The following TRIM63 variants were observed in gnomAD, a reference collection of about 807,000 sequenced individuals.
The protein encoded by TRIM63 is E3 ubiquitin-protein ligase TRIM63.
TRIM63 carries 48 observed loss-of-function variants against 46.0 expected under a neutral mutation model. The ratio of observed to expected loss-of-function variants is 1.04; its 90% confidence interval spans 0.83 to 1.33. TRIM63 has a LOEUF of 1.33. TRIM63 is among the 40% of genes most tolerant of loss of function. The pLI is 0.00. For missense variants in TRIM63, 455 were observed against 441.2 expected (o/e 1.03, Z -0.28); for synonymous variants, 175 against 162.8 (o/e 1.08, Z -0.57).
intron 8 of TRIM63, among the ~76,000 whole-genome samples, chr1:26,052,473 GT>G (rs370683124): frequency 2.0e-5 from 3 of 151,226 alleles, no homozygotes; most frequent in African/African-American, 7.3e-5. Context: ...TCTTTTCTTT[GT>G]TTTTTTTTGA....
intron 5 of TRIM63, 90 bp from the exon 6 acceptor site, chr1:26,057,740 G>T: frequency 2.2e-6 from 3 of 1,379,906 alleles, no homozygotes; most frequent in Non-Finnish European, 2.0e-6. Context: ...GTTGTAGGTA[G>T]ATATTTGGTG....
At chr1:26,055,646 G>A (rs1487027364) in intron 7 of TRIM63, among the ~76,000 whole-genome samples, 1 of 151,980 alleles carries the variant, frequency 6.6e-6, no homozygotes, top group African/African-American at 2.4e-5. Context: ...GAGTTAGCTG[G>A]GATTACAGGC....
At chr1:26,056,573 T>C (rs957545177) in intron 7 of TRIM63, among the ~76,000 whole-genome samples, 2 of 152,008 alleles carry the variant, frequency 1.3e-5, no homozygotes, top group Non-Finnish European at 2.9e-5. Context: ...TTGCCAAAGG[T>C]CACACAGATA....
chr1:26,051,877 T>A lies in TRIM63; in HGVS notation c.1058A>T (p.Gln353Leu). The change falls in exon 9 of 9, where the codon CAG (glutamine) becomes CTG (leucine). Residue 353 changes from glutamine to leucine, a missense_variant. Transcript: ENST00000374272. Reference sequence around the variant, plus strand: ...GCCTCTCATTCATCCAGCTCCTTACTGGTGTCCTGAAATGAAGAAAAAGAT... The same window carrying A: ...GCCTCTCATTCATCCAGCTCCTTACAGGTGTCCTGAAATGAAGAAAAAGAT... ...ESTEGKEEGH[Q>L] is the part of the protein sequence containing the mutation. 1 of 1,266,060 alleles carries A rather than the reference T, an allele frequency of 7.9e-7. No individual in the cohort carries two copies. The highest frequency in any genetic ancestry group is 1.0e-6 in the Non-Finnish European group (1 of 991,516). 78.4% of individuals were successfully genotyped at this position (1,266,060 alleles called of 1,614,324 possible). A position where few individuals can be genotyped will look rare whatever the true frequency, so the allele number is the denominator to read the frequency against.
At chr1:26,066,563 C>T in intron 1 of TRIM63, 123 bp from the exon 2 acceptor site, 2 of 859,084 alleles carry the variant, frequency 2.3e-6, no homozygotes, top group South Asian at 3.8e-5. Context: ...CAACCTGGAG[C>T]TCTGCAGACT....
chr1:26,061,266 C>T lies in TRIM63; in HGVS notation c.401G>A (p.Cys134Tyr). 2 of 1,614,186 alleles carry T rather than the reference C, an allele frequency of 1.2e-6. No individual in the cohort carries two copies. The highest frequency in any genetic ancestry group is 1.7e-6 in the Non-Finnish European group (2 of 1,180,012). Residue 134 changes from cysteine (C) to tyrosine (Y), a missense_variant, in exon 3 of 9, where the codon TGT becomes TAT. Physicochemically the swap from Cys to Tyr is radical, Grantham distance 194. Transcript: ENST00000374272. The part of the protein sequence containing the change: ...EHEDEKINIY[C>Y]LTCEVPTCSM... ...GCAGGTGGGCACCTCACACGTGAGA[C>T]AGTAGATGTTGATTTTCTCATCTTC...
chr1:26,060,273 A>T lies in TRIM63; in HGVS notation c.590T>A (p.Val197Glu), dbSNP rs572240849. The change falls in exon 4 of 9, where the codon GTG becomes GAG. Residue 197 changes from valine to glutamate, a missense_variant. Physicochemically the swap from Val to Glu is moderately radical, Grantham distance 121. Coordinates refer to ENST00000374272, the MANE Select transcript of TRIM63 (RefSeq NM_032588.4). ...IITQLEDSRR[V>E]TKENSHQVKE... ...ACTATTCTGTCCGCTCACCTTGGTC[A>T]CTCGACGGGAATCCTCCAGCTGAGT... 6.2e-7 allele frequency: 1 copy of T among 1,613,686 alleles called. No individual in the cohort carries two copies. The highest frequency in any genetic ancestry group is 2.2e-5 in the East Asian group (1 of 44,876).
At chr1:26,065,110 G>T (rs113655048) in intron 2 of TRIM63, among the ~76,000 whole-genome samples, 1 of 148,976 alleles carries the variant, frequency 6.7e-6, no homozygotes, top group Admixed American at 6.7e-5. Flanking sequence ...TACAACCTCC[G>T]CCTCCCTTGT....
chr1:26,059,661 C>A (rs892601158), intron 4 of TRIM63, among the ~76,000 whole-genome samples: 1 of 152,144 alleles, frequency 6.6e-6, no homozygotes. Flanking sequence ...ATTATGATGA[C>A]CCCTTCCCCT....
chr1:26,057,621 C>T lies in TRIM63; in HGVS notation c.854+7G>A. The T allele has an allele frequency of 6.2e-7, 1 of 1,610,420 alleles. No homozygotes were observed. The highest frequency in any genetic ancestry group is 8.5e-7 in the Non-Finnish European group (1 of 1,178,350). ...GCTTGGATCATAGCCTCTAGGAAGA[C>T]ACTGACCTTTTGATGAGTTGCTTGG... On this transcript the variant is annotated splice_region_variant and intron_variant, in intron 6 of 8. Transcript: ENST00000374272.
chr1:26,057,767 T>C, intron 5 of TRIM63, 117 bp from the exon 6 acceptor site: 1 of 1,079,840 alleles, frequency 9.3e-7, no homozygotes, highest in East Asian at 2.5e-5. Flanking sequence ...CCTAGCCCAG[T>C]TGTGACCTGC....
intron 2 of TRIM63, among the ~76,000 whole-genome samples, chr1:26,065,964 C>G (rs1379362764): frequency 1.3e-5 from 2 of 152,206 alleles, no homozygotes; most frequent in African/African-American, 4.8e-5. Flanking sequence ...TCTCTGCTGA[C>G]CAGAGCCACT....
At chr1:26,065,270 C>T (rs548104834) in intron 2 of TRIM63, among the ~76,000 whole-genome samples, 1 of 152,150 alleles carries the variant, frequency 6.6e-6, no homozygotes, top group East Asian at 1.9e-4. Context: ...ATGATCCACA[C>T]ACCTTGGCCT....
At chr1:26,064,066 C>T (rs1277221487) in intron 2 of TRIM63, among the ~76,000 whole-genome samples, 3 of 152,200 alleles carry the variant, frequency 2.0e-5, no homozygotes, top group Admixed American at 6.5e-5. Flanking sequence ...GAGGCCAAGG[C>T]GGGCGCATTA....
chr1:26,062,033 C>T (rs9438539), intron 2 of TRIM63, among the ~76,000 whole-genome samples: 7,995 of 152,002 alleles, frequency 0.053, 686 homozygotes, highest in African/African-American at 0.18. Flanking sequence ...TTTGGGAGGC[C>T]GAGGTGGGAG....
intron 4 of TRIM63, among the ~76,000 whole-genome samples, chr1:26,059,840 T>C (rs796297457): frequency 8.5e-5 from 13 of 152,322 alleles, no homozygotes; most frequent in African/African-American, 2.6e-4. Context: ...GCAGCTCTTA[T>C]GCCTCATTCC....
chr1:26,054,305 G>A (rs906049629), intron 7 of TRIM63, among the ~76,000 whole-genome samples: 3 of 152,242 alleles, frequency 2.0e-5, no homozygotes, highest in African/African-American at 7.2e-5. Context: ...CGGGTAGGCA[G>A]ATAAACATTG....
At position 26,066,444 on chromosome 1, in the gene TRIM63, C is replaced by A; in HGVS notation, c.160-4G>T. 6.4e-7 allele frequency: 1 copy of A among 1,569,902 alleles called. No individual in the cohort carries two copies. Among genetic ancestry groups the A allele is most frequent in the Non-Finnish European group, 8.7e-7 (1 of 1,155,950 alleles). On this transcript the variant is annotated splice_polypyrimidine_tract_variant and splice_region_variant and intron_variant, in intron 1 of 8. Coordinates refer to ENST00000374272, the MANE Select transcript of TRIM63 (RefSeq NM_032588.4). ...TGGTCCAGTAGGGATTTGCAGCCTG[C>A]AGGTGGCAAAGGTCAAGGTGAGGCC...
Position 26,060,311 on chromosome 1 carries a change from C to T in TRIM63, c.552G>A (p.Val184=). 6.2e-7 allele frequency: 1 copy of T among 1,614,082 alleles called. No homozygotes were observed. Among genetic ancestry groups the T allele is most frequent in the Non-Finnish European group, 8.5e-7 (1 of 1,180,008 alleles). ...ISMLVAGNDR[V]QTIITQLEDS... is the part of the protein sequence containing the mutation. ...CCTCCAGCTGAGTGATGATGGTCTG[C>T]ACACGGTCATTCCCCGCCACCAGCA... The change falls in exon 4 of 9, where the codon GTG becomes GTA. Residue 184 remains valine, a synonymous_variant. Coordinates refer to ENST00000374272, the MANE Select transcript of TRIM63 (RefSeq NM_032588.4).
Sources: gnomAD v4.1 joint callset for allele counts (sites outside exome capture counted in the v4.1 genomes callset) on GRCh38, gnomAD v4.1.1 for gene constraint, MANE v1.5 for transcripts, NCBI Gene and HGNC (gene_info 2026-07-23, HGNC 2026-07-21) for gene names.